NRXN3: variants seen among roughly 807,000 people sequenced by gnomAD.
NRXN3 encodes the protein neurexin 3.
In NRXN3, 32 loss-of-function variants were observed where a neutral mutation model predicts 137.6. That is an observed-to-expected ratio of 0.23 (90% CI 0.18 to 0.31). NRXN3 has a LOEUF of 0.31. NRXN3 is among the 10% of genes least tolerant of loss of function. The probability of loss-of-function intolerance (pLI) is 1.00; values close to 1 mark genes in which losing one functional copy is unlikely to be tolerated. For missense variants in NRXN3, 1,574 were observed against 2,062.5 expected (o/e 0.76, Z 4.59); for synonymous variants, 798 against 784.5 (o/e 1.02, Z -0.29).
At chr14:78,689,145 T>C (rs1004264556) in intron 6 of NRXN3, among the ~76,000 whole-genome samples, 2 of 152,150 alleles carry the variant, frequency 1.3e-5, no homozygotes, top group African/African-American at 4.8e-5. Context: ...TTTTTGTTAT[T>C]GTTTTCTCTT....
At chr14:78,740,908 A>G (rs2098566101) in intron 8 of NRXN3, among the ~76,000 whole-genome samples, 1 of 152,208 alleles carries the variant, frequency 6.6e-6, no homozygotes, top group South Asian at 2.1e-4. Flanking sequence ...TTTGTCAAAT[A>G]AAACAATGTA....
intron 10 of NRXN3, among the ~76,000 whole-genome samples, chr14:78,863,907 G>A (rs2099079642): frequency 6.6e-6 from 1 of 151,988 alleles, no homozygotes; most frequent in South Asian, 2.1e-4. Flanking sequence ...TAAAAAGTAG[G>A]ATCTTGGTAA....
At chr14:79,716,824 T>A (rs1009558696) in intron 19 of NRXN3, among the ~76,000 whole-genome samples, 14 of 152,292 alleles carry the variant, frequency 9.2e-5, no homozygotes, top group African/African-American at 3.4e-4. Flanking sequence ...AGATTATGCC[T>A]CCTGCTTTAG....
intron 4 of NRXN3, among the ~76,000 whole-genome samples, chr14:78,526,053 G>A (rs2153807175): frequency 6.6e-6 from 1 of 152,260 alleles, no homozygotes; most frequent in South Asian, 2.1e-4. Flanking sequence ...CATGATTGTG[G>A]GTCTAGTGAA....
At chr14:79,489,762 G>A (rs1029692616) in intron 16 of NRXN3, among the ~76,000 whole-genome samples, 8 of 151,974 alleles carry the variant, frequency 5.3e-5, no homozygotes, top group African/African-American at 1.2e-4. Flanking sequence ...AATTTCGGCC[G>A]GGCGTGGTGG....
chr14:78,404,143 C>T (rs140886788), intron 4 of NRXN3, among the ~76,000 whole-genome samples: 10 of 151,420 alleles, frequency 6.6e-5, no homozygotes, highest in Admixed American at 2.6e-4. Flanking sequence ...GCCTCCAGGC[C>T]GATGCCTGGC....
intron 16 of NRXN3, among the ~76,000 whole-genome samples, chr14:79,494,400 C>G (rs2153661706): frequency 6.6e-6 from 1 of 152,198 alleles, no homozygotes; most frequent in Non-Finnish European, 1.5e-5. Flanking sequence ...CAAATAATCT[C>G]CTAGAAACTT....
At chr14:78,554,477 G>A (rs2096720546) in intron 4 of NRXN3, among the ~76,000 whole-genome samples, 1 of 152,118 alleles carries the variant, frequency 6.6e-6, no homozygotes, top group South Asian at 2.1e-4. Flanking sequence ...ATTGGCTTTT[G>A]GATCTCAAGT....
At chr14:79,494,676 G>A (rs537710916) in intron 16 of NRXN3, among the ~76,000 whole-genome samples, 30 of 152,148 alleles carry the variant, frequency 2.0e-4, no homozygotes, top group African/African-American at 6.3e-4. Flanking sequence ...ACTTTTTATC[G>A]TGAAATAATT....
intron 4 of NRXN3, among the ~76,000 whole-genome samples, chr14:78,541,279 A>G (rs540913464): frequency 1.3e-5 from 2 of 152,294 alleles, no homozygotes; most frequent in South Asian, 4.2e-4. Flanking sequence ...GTCTTTTCAC[A>G]TACTCCCATA....
At chr14:79,814,508 C>T (rs910301196) in intron 20 of NRXN3, among the ~76,000 whole-genome samples, 5 of 152,138 alleles carry the variant, frequency 3.3e-5, no homozygotes, top group Non-Finnish European at 7.4e-5. Context: ...TTTTACCTGA[C>T]TTAAGGAGGA....
chr14:78,372,178 T>TAA (rs2086961928), intron 4 of NRXN3, among the ~76,000 whole-genome samples: 2 of 122,976 alleles, frequency 1.6e-5, no homozygotes, highest in South Asian at 2.6e-4. Flanking sequence ...AAAAAAAATT[T>TAA]TTACCAGAAC....
intron 15 of NRXN3, among the ~76,000 whole-genome samples, chr14:79,422,552 C>A (rs1246999420): frequency 1.3e-5 from 2 of 152,066 alleles, no homozygotes; most frequent in Non-Finnish European, 2.9e-5. Context: ...CACATTAGTG[C>A]TGTAGAGCCA....
Position 78,531,044 on chromosome 14 carries a change from C to G in NRXN3, c.758-114076C>G, listed in dbSNP as rs190602478. Among the ~76,000 whole-genome samples, 5 of 152,138 alleles carry G rather than the reference C, an allele frequency of 3.3e-5. No homozygotes were observed. The East Asian group carries it at 9.6e-4, about 29-fold the overall frequency. Reference sequence around the variant, plus strand: ...TTCATTTATTTTCTAATCTTTGATGCCTTTCCTTCATTTTCTTGAAGCACC... The same window carrying G: ...TTCATTTATTTTCTAATCTTTGATGGCTTTCCTTCATTTTCTTGAAGCACC... On this transcript the variant is annotated intron_variant, in intron 4 of 20. Coordinates refer to ENST00000335750, the MANE Select transcript of NRXN3 (RefSeq NM_001330195.2).
chr14:78,882,277 C>T (rs1386098637), intron 10 of NRXN3, among the ~76,000 whole-genome samples: 1 of 151,756 alleles, frequency 6.6e-6, no homozygotes, highest in Non-Finnish European at 1.5e-5. Context: ...TACTGGGGTA[C>T]TGACTAGTAG....
intron 20 of NRXN3, among the ~76,000 whole-genome samples, chr14:79,831,208 G>A (rs1161727469): frequency 1.3e-5 from 2 of 152,192 alleles, no homozygotes; most frequent in Non-Finnish European, 2.9e-5. Flanking sequence ...CAAAGGGACA[G>A]GAAACATAAT....
chr14:79,355,128 G>T (rs2093371784), intron 15 of NRXN3, among the ~76,000 whole-genome samples: 1 of 152,148 alleles, frequency 6.6e-6, no homozygotes, highest in African/African-American at 2.4e-5. Context: ...TATTAATCTA[G>T]ATTTGTTTGG....
At chr14:78,203,681 T>C (rs1011346713) in intron 1 of NRXN3, among the ~76,000 whole-genome samples, 15 of 152,206 alleles carry the variant, frequency 9.9e-5, no homozygotes, top group African/African-American at 3.4e-4. Context: ...CTTTATGTGA[T>C]ACAAATGATA....
intron 15 of NRXN3, among the ~76,000 whole-genome samples, chr14:79,268,583 G>A (rs956435678): frequency 6.6e-6 from 1 of 152,056 alleles, no homozygotes. Flanking sequence ...CCAGAAAAGG[G>A]GCAAAGAGAA....
Sources: gnomAD v4.1 joint callset for allele counts (sites outside exome capture counted in the v4.1 genomes callset) on GRCh38, gnomAD v4.1.1 for gene constraint, MANE v1.5 for transcripts, NCBI Gene and HGNC (gene_info 2026-07-23, HGNC 2026-07-21) for gene names.